CREB5: variants seen among roughly 807,000 people sequenced by gnomAD.
CREB5 encodes the protein cAMP responsive element binding protein 5.
A neutral mutation model predicts 57.1 loss-of-function variants in CREB5; 19 were observed. The observed-to-expected ratio is 0.33, with a 90% CI of 0.23 to 0.49. The LOEUF (loss-of-function observed/expected upper bound fraction) is 0.49, where lower values mean the gene tolerates loss of function less well. Among genes scored for constraint, CREB5 ranks in the 20% least tolerant of loss-of-function variants. The pLI is 0.99. For synonymous variants in CREB5, 238 were observed against 238.3 expected (o/e 1.00, Z 0.01); for missense variants, 579 against 671.6 (o/e 0.86, Z 1.52).
At chr7:28,306,763 G>A (rs553834647) in intron 1 of CREB5, among the ~76,000 whole-genome samples, 2 of 151,996 alleles carry the variant, frequency 1.3e-5, no homozygotes, top group South Asian at 4.2e-4. Flanking sequence ...GGGTTTCACC[G>A]TGTTAGCCGG....
intron 5 of CREB5, among the ~76,000 whole-genome samples, chr7:28,685,830 G>A (rs1191586372): frequency 1.3e-5 from 2 of 152,082 alleles, no homozygotes; most frequent in East Asian, 3.9e-4. Context: ...CTAAGGGCAA[G>A]TGCACCACGA....
chr7:28,320,162 C>T (rs1306039102), intron 1 of CREB5, among the ~76,000 whole-genome samples: 1 of 152,012 alleles, frequency 6.6e-6, no homozygotes, highest in Non-Finnish European at 1.5e-5. Flanking sequence ...AACACCTGAC[C>T]TCAAGTGGTC....
At chr7:28,319,321 T>G (rs1785444739) in intron 1 of CREB5, among the ~76,000 whole-genome samples, 1 of 152,204 alleles carries the variant, frequency 6.6e-6, no homozygotes, top group South Asian at 2.1e-4. Flanking sequence ...CTTATTTATC[T>G]TTCACTTGTG....
At chr7:28,723,134 T>C (rs1248186271) in intron 6 of CREB5, among the ~76,000 whole-genome samples, 2 of 152,224 alleles carry the variant, frequency 1.3e-5, no homozygotes, top group Non-Finnish European at 2.9e-5. Context: ...TTTCCAATCA[T>C]TGTTTTCATT....
At chr7:28,462,368 A>G (rs1790385003) in intron 1 of CREB5, among the ~76,000 whole-genome samples, 1 of 152,218 alleles carries the variant, frequency 6.6e-6, no homozygotes, top group African/African-American at 2.4e-5. Context: ...TAATGCTGCC[A>G]TGAACATCGA....
At chr7:28,802,377 TAATTG>T (rs1808425093) in intron 7 of CREB5, among the ~76,000 whole-genome samples, 1 of 152,230 alleles carries the variant, frequency 6.6e-6, no homozygotes, top group African/African-American at 2.4e-5. Flanking sequence ...GGATTTTGAT[TAATTG>T]AATTGGTATT....
At chr7:28,561,031 T>TGCGC (rs1795250546) in intron 4 of CREB5, among the ~76,000 whole-genome samples, 1 of 95,696 alleles carries the variant, frequency 1.0e-5, no homozygotes. Context: ...TGTGCGTGTG[T>TGCGC]GTGTGTGTGT....
chr7:28,607,735 CTGTGTGTGTGTGTGTGTGTG>C lies in CREB5; in HGVS notation c.464+37238_464+37257del, dbSNP rs573980917. On this transcript the variant is annotated intron_variant, in intron 5 of 10. Coordinates refer to ENST00000357727, the MANE Select transcript of CREB5 (RefSeq NM_182898.4). ...CAAAATAAGACCAGTGCCCACAGGG[CTGTGTGTGTGTGTGTGTGTG>C]TGTGTGTGTGTGTGTGTGTGTGTGT... Among the ~76,000 whole-genome samples, 623 of 129,258 alleles carry C rather than the reference CTGTGTGTGTGTGTGTGTGTG, an allele frequency of 4.8e-3. 7 individuals carry two copies. The highest frequency in any genetic ancestry group is 0.012 in the East Asian group (51 of 4,114). The allele number at this position is 129,258 out of a possible 152,430, so 84.8% of individuals were successfully genotyped here.
chr7:28,436,061 T>C (rs1027028661), intron 1 of CREB5, among the ~76,000 whole-genome samples: 2 of 152,262 alleles, frequency 1.3e-5, no homozygotes, highest in South Asian at 2.1e-4. Context: ...CAAGCCTTTT[T>C]CTTTTGTTTT....
rs1253718282 is a variant in CREB5 at position 28,445,688 on chromosome 7, A to G, written c.3+32771A>G. 2.6e-5 allele frequency among the ~76,000 whole-genome samples: 4 copies of G among 152,052 alleles called. No individual in the cohort carries two copies. In the South Asian group the frequency reaches 6.2e-4, roughly 24 times the overall value. On this transcript the variant is annotated intron_variant, in intron 1 of 10. Transcript: ENST00000357727. The stretch of plus-strand genomic sequence containing the variant: ...TGCCTCAGCCTCCCGAGTAGCTGGG[A>G]CTACAGGCGCCCGCCACCACGCCTG...
chr7:28,527,247 C>T (rs1793488226), intron 4 of CREB5, among the ~76,000 whole-genome samples: 1 of 152,224 alleles, frequency 6.6e-6, no homozygotes, highest in African/African-American at 2.4e-5. Context: ...CCAGTAAGAA[C>T]CCATCCTGCT....
At chr7:28,562,534 C>T (rs942841133) in intron 4 of CREB5, among the ~76,000 whole-genome samples, 25 of 152,312 alleles carry the variant, frequency 1.6e-4, no homozygotes, top group Non-Finnish European at 1.5e-4. Flanking sequence ...AGTCTAGAAC[C>T]TCACTTATGG....
At chr7:28,688,338 C>T (rs1393260118) in intron 5 of CREB5, among the ~76,000 whole-genome samples, 1 of 152,196 alleles carries the variant, frequency 6.6e-6, no homozygotes, top group Admixed American at 6.5e-5. Context: ...TCCCGCACAT[C>T]CTTCAGATTC....
chr7:28,797,667 G>A (rs972983784), intron 7 of CREB5, among the ~76,000 whole-genome samples: 12 of 152,202 alleles, frequency 7.9e-5, no homozygotes, highest in African/African-American at 1.2e-4. Flanking sequence ...TGCACAGCAC[G>A]GAACTGTTGT....
At chr7:28,437,561 G>A (rs1310145317) in intron 1 of CREB5, among the ~76,000 whole-genome samples, 1 of 152,088 alleles carries the variant, frequency 6.6e-6, no homozygotes, top group African/African-American at 2.4e-5. Context: ...TTTAGTGAGT[G>A]CCTATAAAAA....
At chr7:28,410,075 C>A (rs1187473344), upstream of CREB5, 1 of 400,924 alleles carries the variant, frequency 2.5e-6, no homozygotes, top group Non-Finnish European at 5.0e-6. Context: ...CGGGTGGGCG[C>A]GCGCGCAGGG....
chr7:28,305,676 A>G (rs1274843195), intron 1 of CREB5, among the ~76,000 whole-genome samples: 2 of 150,408 alleles, frequency 1.3e-5, no homozygotes, highest in East Asian at 3.9e-4. Context: ...ACTCAGCATT[A>G]GCCTTCATGG....
At chr7:28,365,774 A>C (rs1786574019) in intron 1 of CREB5, among the ~76,000 whole-genome samples, 2 of 152,190 alleles carry the variant, frequency 1.3e-5, no homozygotes, top group Admixed American at 1.3e-4. Flanking sequence ...CAACGCAGCC[A>C]AACGCTCCCT....
At chr7:28,596,512 A>T (rs1562518922) in intron 5 of CREB5, among the ~76,000 whole-genome samples, 1 of 152,234 alleles carries the variant, frequency 6.6e-6, no homozygotes, top group African/African-American at 2.4e-5. Context: ...ATATTAAATT[A>T]TTGAAAGGAG....
Sources: gnomAD v4.1 joint callset for allele counts (sites outside exome capture counted in the v4.1 genomes callset) on GRCh38, gnomAD v4.1.1 for gene constraint, MANE v1.5 for transcripts, NCBI Gene and HGNC (gene_info 2026-07-23, HGNC 2026-07-21) for gene names.